The following NSUN6 variants were observed in gnomAD, a reference collection of about 807,000 sequenced individuals.
NSUN6 encodes NOP2/Sun RNA methyltransferase 6.
A neutral mutation model predicts 58.0 loss-of-function variants in NSUN6; 64 were observed. The ratio of observed to expected loss-of-function variants is 1.10; its 90% CI spans 0.90 to 1.36. NSUN6 has a LOEUF of 1.36. Ranked by LOEUF, NSUN6 falls within the 40% of genes most tolerant of loss-of-function variation. The probability of loss-of-function intolerance (pLI) is 0.00; values close to 1 mark genes in which losing one functional copy is unlikely to be tolerated. For missense variants in NSUN6, 701 were observed against 550.1 expected (o/e 1.27, Z -2.74); for synonymous variants, 231 against 193.9 (o/e 1.19, Z -1.59).
intron 5 of NSUN6, among the ~76,000 whole-genome samples, chr10:18,612,999 A>G (rs950414889): frequency 1.3e-5 from 2 of 152,236 alleles, no homozygotes; most frequent in African/African-American, 2.4e-5. Context: ...AATAAGAAAC[A>G]GGGTGTACAT....
chr10:18,596,251 G>C lies in NSUN6; in HGVS notation c.734C>G (p.Pro245Arg), dbSNP rs965369526. ...GEKILDLCAAPGGKTTHIAAL... is the reference protein window; with the variant it reads ...GEKILDLCAARGGKTTHIAAL... ...TGCAATGTGTGTTGTTTTCCCTCCA[G>C]GTGCTGCACACAAGTCTAGAATCTT... Residue 245 changes from proline to arginine, a missense_variant, in exon 7 of 11, where the codon CCT becomes CGT. Physicochemically the swap from Pro to Arg is moderately radical, Grantham distance 103 (BLOSUM62 -2). Transcript: ENST00000377304. The C allele has an allele frequency of 6.2e-7, 1 of 1,610,250 alleles. No individual in the cohort carries two copies. Among genetic ancestry groups the C allele is most frequent in the Non-Finnish European group, 8.5e-7 (1 of 1,176,562 alleles).
At chr10:18,556,452 T>C (rs114276863) in intron 8 of NSUN6, among the ~76,000 whole-genome samples, 4,808 of 146,734 alleles carry the variant, frequency 0.033, 260 homozygotes, top group African/African-American at 0.11. Flanking sequence ...GAATGCAGAA[T>C]GGGATGAAAT....
At chr10:18,597,790 A>G (rs932896685) in intron 6 of NSUN6, among the ~76,000 whole-genome samples, 1 of 152,138 alleles carries the variant, frequency 6.6e-6, no homozygotes, top group African/African-American at 2.4e-5. Context: ...AAATAAATAC[A>G]TACAAACATA....
At chr10:18,654,261 A>G (rs1302226386), upstream of NSUN6, among the ~76,000 whole-genome samples, 1 of 151,552 alleles carries the variant, frequency 6.6e-6, no homozygotes, top group African/African-American at 2.4e-5. Flanking sequence ...ATGCCCAGCT[A>G]GACAGTTAAC....
chr10:18,566,993 GCATTC>G, intron 8 of NSUN6, among the ~76,000 whole-genome samples: 1 of 141,750 alleles, frequency 7.1e-6, no homozygotes, highest in Non-Finnish European at 1.6e-5. Flanking sequence ...ATTCACCACT[GCATTC>G]CATTCCATTC....
chr10:18,607,063 A>G (rs933143522), intron 6 of NSUN6, among the ~76,000 whole-genome samples: 3 of 152,210 alleles, frequency 2.0e-5, no homozygotes, highest in Non-Finnish European at 2.9e-5. Flanking sequence ...AATTTTCAAT[A>G]TATTATTAAA....
chr10:18,642,451 A>C, intron 3 of NSUN6, 25 bp downstream of exon 3: 2 of 1,127,138 alleles, frequency 1.8e-6, no homozygotes, highest in Non-Finnish European at 2.7e-6. Context: ...GAATAATATA[A>C]TTTGGAAATG....
intron 3 of NSUN6, among the ~76,000 whole-genome samples, chr10:18,622,446 G>A (rs1190256661): frequency 6.6e-6 from 1 of 152,208 alleles, no homozygotes; most frequent in Non-Finnish European, 1.5e-5. Flanking sequence ...GCGCACAGTG[G>A]CTCATGCCTG....
intron 7 of NSUN6, among the ~76,000 whole-genome samples, chr10:18,589,357 C>G (rs1340275989): frequency 6.6e-6 from 1 of 152,118 alleles, no homozygotes; most frequent in Non-Finnish European, 1.5e-5. Context: ...AGGATATCAT[C>G]CAGAAGAACT....
chr10:18,553,544 G>T (rs907283803), intron 8 of NSUN6, among the ~76,000 whole-genome samples: 7 of 151,514 alleles, frequency 4.6e-5, no homozygotes, highest in Admixed American at 1.3e-4. Flanking sequence ...GGAATGAAAG[G>T]GAGGATGGAA....
At chr10:18,585,857 G>T in intron 8 of NSUN6, 92 bp downstream of exon 8, 1 of 908,632 alleles carries the variant, frequency 1.1e-6, no homozygotes. Flanking sequence ...ATTCCACATT[G>T]TATACAAAAT....
chr10:18,648,138 C>G (rs993829689), intron 2 of NSUN6, among the ~76,000 whole-genome samples: 10 of 152,184 alleles, frequency 6.6e-5, no homozygotes, highest in Non-Finnish European at 1.3e-4. Context: ...TACCATCTGT[C>G]CTCCTGGTCA....
At chr10:18,613,420 C>T (rs1375122747) in intron 5 of NSUN6, among the ~76,000 whole-genome samples, 2 of 152,070 alleles carry the variant, frequency 1.3e-5, no homozygotes, top group African/African-American at 4.8e-5. Context: ...AAGTTGGTTG[C>T]CTCCTAACTT....
At chr10:18,553,495 A>C (rs2054754410) in intron 8 of NSUN6, among the ~76,000 whole-genome samples, 1 of 144,046 alleles carries the variant, frequency 6.9e-6, no homozygotes, top group Non-Finnish European at 1.5e-5. Flanking sequence ...AATGGAATGG[A>C]GAATGGAATG....
intron 8 of NSUN6, among the ~76,000 whole-genome samples, chr10:18,574,041 T>C (rs4748489): frequency 0.61 from 92,559 of 151,740 alleles, 28,665 homozygotes; most frequent in East Asian, 0.97. Context: ...TTAGCCTTAC[T>C]CTCCCCAGAA....
chr10:18,612,278 C>T (rs932270405), intron 5 of NSUN6, among the ~76,000 whole-genome samples: 5 of 152,108 alleles, frequency 3.3e-5, no homozygotes, highest in African/African-American at 1.2e-4. Context: ...AAAATATCAG[C>T]TGATCATGGT....
rs1305949536 is a variant in NSUN6 at position 18,609,438 on chromosome 10, A to C, written c.657+407T>G. ...TGTGACATAGGCCAAGAGTCCTAAC[A>C]GATCTGTTCTTCAGTAACTTCATCT... On this transcript the variant is annotated intron_variant, in intron 6 of 10. Transcript: ENST00000377304. 4.6e-5 allele frequency among the ~76,000 whole-genome samples: 7 copies of C among 152,154 alleles called. No homozygotes were observed. In the South Asian group the frequency reaches 1.5e-3, roughly 32 times the overall value.
intron 10 of NSUN6, among the ~76,000 whole-genome samples, chr10:18,546,797 G>A (rs577001412): frequency 9.2e-5 from 14 of 152,106 alleles, no homozygotes; most frequent in East Asian, 3.9e-4. Flanking sequence ...AGAATTGCCC[G>A]GGAGACAGAG....
intron 6 of NSUN6, among the ~76,000 whole-genome samples, chr10:18,601,716 C>G (rs1487343559): frequency 6.6e-6 from 1 of 152,126 alleles, no homozygotes; most frequent in Non-Finnish European, 1.5e-5. Flanking sequence ...GGTCTGGTGG[C>G]TCATGCCTGT....
Sources: gnomAD v4.1 joint callset for allele counts (sites outside exome capture counted in the v4.1 genomes callset) on GRCh38, gnomAD v4.1.1 for gene constraint, MANE v1.5 for transcripts, NCBI Gene and HGNC (gene_info 2026-07-23, HGNC 2026-07-21) for gene names.